The following PRUNE2 variants were observed in gnomAD, a reference collection of about 807,000 sequenced individuals.
PRUNE2 encodes protein prune homolog 2.
In PRUNE2, 164 loss-of-function variants were observed where a neutral mutation model predicts 252.0. The observed-to-expected ratio is 0.65, with a 90% CI of 0.57 to 0.74. The LOEUF (loss-of-function observed/expected upper bound fraction) is 0.74. PRUNE2 is among the 30% of genes least tolerant of loss of function. The pLI, the probability that PRUNE2 is intolerant of heterozygous loss-of-function variation, is 0.00. For missense variants in PRUNE2, 3,495 were observed against 3,711.0 expected (o/e 0.94, Z 1.51); for synonymous variants, 1,292 against 1,350.2 (o/e 0.96, Z 0.94).
intron 5 of PRUNE2, 32 bp downstream of exon 5, chr9:76,826,548 G>A: frequency 6.7e-7 from 1 of 1,498,580 alleles, no homozygotes; most frequent in Non-Finnish European, 9.0e-7. Flanking sequence ...CTACTCGGGA[G>A]GGACAAGAGA....
chr9:76,847,734 A>G (rs1459185396), intron 3 of PRUNE2, among the ~76,000 whole-genome samples: 2 of 152,264 alleles, frequency 1.3e-5, no homozygotes, highest in African/African-American at 4.8e-5. Flanking sequence ...CCTGTCAAAA[A>G]ATAAGTGAAT....
chr9:76,705,663 T>G lies in PRUNE2; in HGVS notation c.6611A>C (p.Gln2204Pro). ...TGGGCTGGCTCCTTTTTCTGATACTTGTAAACCTGTACTGTTGTCACCGTT... is the reference window on the plus strand; with the variant it reads ...TGGGCTGGCTCCTTTTTCTGATACTGGTAAACCTGTACTGTTGTCACCGTT... The part of the protein sequence containing the change: ...EINGDNSTGL[Q>P]VSEKGASPDM... Residue 2204 changes from glutamine (Q) to proline (P), a missense_variant, in exon 8 of 19, where the codon CAA becomes CCA. By Grantham distance (76) the Gln-to-Pro change is moderately conservative (BLOSUM62 -1). Transcript: ENST00000376718. The G allele has an allele frequency of 6.2e-7, 1 of 1,614,050 alleles. No homozygotes were observed. Among genetic ancestry groups the G allele is most frequent in the Non-Finnish European group, 8.5e-7 (1 of 1,179,896 alleles).
chr9:76,899,560 TTTGTGCAGGACTC>T (rs1189988147), intron 1 of PRUNE2, among the ~76,000 whole-genome samples: 46 of 152,294 alleles, frequency 3.0e-4, no homozygotes, highest in African/African-American at 1.1e-3. Flanking sequence ...AGTGTCATGC[TTTGTGCAGGACTC>T]TTGCCTTTAG....
chr9:76,789,214 G>A (rs762952546), intron 6 of PRUNE2, among the ~76,000 whole-genome samples: 9 of 152,148 alleles, frequency 5.9e-5, no homozygotes, highest in Non-Finnish European at 1.2e-4. Context: ...AATTCCTCCT[G>A]CTTTGATAGT....
chr9:76,879,690 T>A (rs2061652573), intron 1 of PRUNE2, among the ~76,000 whole-genome samples: 1 of 151,644 alleles, frequency 6.6e-6, no homozygotes, highest in Admixed American at 6.6e-5. Context: ...GATAGTTAAG[T>A]AAGGCCCCAA....
At chr9:76,851,819 AG>A (rs2132576384) in intron 2 of PRUNE2, among the ~76,000 whole-genome samples, 1 of 150,034 alleles carries the variant, frequency 6.7e-6, no homozygotes, top group East Asian at 2.0e-4. Flanking sequence ...GAGATAGGAG[AG>A]AGGTAGAGAA....
At chr9:76,793,326 A>G (rs970371288) in intron 6 of PRUNE2, among the ~76,000 whole-genome samples, 83 of 152,386 alleles carry the variant, frequency 5.4e-4, no homozygotes, top group African/African-American at 2.0e-3. Flanking sequence ...TTAACCCAAG[A>G]GGAGGTTTAC....
chr9:76,629,601 CTT>C (rs11330504), intron 15 of PRUNE2, among the ~76,000 whole-genome samples: 26,101 of 145,416 alleles, frequency 0.18, 2,495 homozygotes, highest in Non-Finnish European at 0.22. Context: ...ACTTCACATG[CTT>C]TTTTTTTTTT....
intron 5 of PRUNE2, among the ~76,000 whole-genome samples, chr9:76,824,442 C>T (rs1029361047): frequency 6.6e-6 from 1 of 152,126 alleles, no homozygotes. Flanking sequence ...AAATGTGACT[C>T]GTAAGACTAT....
At chr9:76,654,211 AC>A (rs1377610687) in intron 10 of PRUNE2, among the ~76,000 whole-genome samples, 1 of 152,180 alleles carries the variant, frequency 6.6e-6, no homozygotes, top group Non-Finnish European at 1.5e-5. Context: ...TTCACCTAAA[AC>A]CAGAAATGAC....
intron 6 of PRUNE2, among the ~76,000 whole-genome samples, chr9:76,764,882 G>A (rs978406767): frequency 6.6e-6 from 1 of 152,112 alleles, no homozygotes; most frequent in African/African-American, 2.4e-5. Context: ...CATCACTACT[G>A]TAACCCCAAT....
At position 76,705,200 on chromosome 9, in the gene PRUNE2, GC is replaced by G; in HGVS notation, c.7073del (p.Gly2358AlafsTer9). On this transcript the variant is annotated frameshift_variant, in exon 8 of 19. Coordinates refer to ENST00000376718, the MANE Select transcript of PRUNE2 (RefSeq NM_015225.3). LOFTEE classifies it high-confidence loss of function. ...TCAGTAAATCTTCATCGATATTCTGGCCCATTACATCATATTCAAAATCACC... is the reference window on the plus strand; with the variant it reads ...TCAGTAAATCTTCATCGATATTCTGGCCATTACATCATATTCAAAATCACC... ...SWGDFEYDVM[G>X]QNIDEDLLRE... The G allele has an allele frequency of 6.2e-7, 1 of 1,613,976 alleles. No individual in the cohort carries two copies. The highest frequency in any genetic ancestry group is 8.5e-7 in the Non-Finnish European group (1 of 1,179,884).
chr9:76,619,537 G>A, intron 17 of PRUNE2, 150 bp from the exon 18 acceptor site: 2 of 611,846 alleles, frequency 3.3e-6, no homozygotes, highest in Non-Finnish European at 5.8e-6. Flanking sequence ...ATAAGATTAA[G>A]CTGTAACCCT....
At chr9:76,735,165 C>T (rs2048967977) in intron 6 of PRUNE2, among the ~76,000 whole-genome samples, 1 of 152,182 alleles carries the variant, frequency 6.6e-6, no homozygotes, top group African/African-American at 2.4e-5. Flanking sequence ...GAAGCTAGAT[C>T]TATCCTGGAT....
intron 18 of PRUNE2, 73 bp downstream of exon 18, chr9:76,619,267 G>A (rs1831062797): frequency 1.0e-6 from 1 of 977,922 alleles, no homozygotes; most frequent in South Asian, 1.4e-5. Flanking sequence ...AGTCCTCAGT[G>A]TGTTTTCTTT....
rs145066002 is a variant in PRUNE2 at position 76,865,711 on chromosome 9, A to G, written c.37-11503T>C. ...GGGATAAAACCTTGTTAATAGCACAAAAGTCAAAAGTTATACTATAGGCTG... is the reference window on the plus strand; with the variant it reads ...GGGATAAAACCTTGTTAATAGCACAGAAGTCAAAAGTTATACTATAGGCTG... On this transcript the variant is annotated intron_variant, in intron 1 of 18. Transcript: ENST00000376718. Among the ~76,000 whole-genome samples the G allele has an allele frequency of 2.6e-3, 401 of 152,196 alleles. 2 individuals carry two copies. The highest frequency in any genetic ancestry group is 9.3e-3 in the African/African-American group (388 of 41,540).
intron 4 of PRUNE2, among the ~76,000 whole-genome samples, chr9:76,831,022 C>T (rs375269450): frequency 2.0e-5 from 3 of 151,850 alleles, no homozygotes; most frequent in East Asian, 3.9e-4. Context: ...CTCCACCTCC[C>T]GGGTTCACAC....
At chr9:76,802,479 G>A (rs1049320291) in intron 6 of PRUNE2, among the ~76,000 whole-genome samples, 13 of 152,010 alleles carry the variant, frequency 8.6e-5, no homozygotes, top group African/African-American at 2.4e-4. Flanking sequence ...AACAGGCAGC[G>A]GAAAAATATC....
At chr9:76,819,619 C>T (rs1048782030) in intron 6 of PRUNE2, 13 of 152,198 alleles carry the variant, frequency 8.5e-5, no homozygotes, top group African/African-American at 2.7e-4. Flanking sequence ...ACAGCACATA[C>T]ACAAGAATAA....
Sources: allele counts gnomAD v4.1 joint callset (sites outside exome capture counted in the v4.1 genomes callset), GRCh38; gene constraint gnomAD v4.1.1; transcripts MANE v1.5; gene names NCBI Gene and HGNC (gene_info 2026-07-23, HGNC 2026-07-21).